Variants in SCHIP1 observed in about 807,000 individuals in gnomAD.
The protein encoded by SCHIP1 is schwannomin interacting protein 1.
Under a neutral mutation model 29.7 loss-of-function variants are expected in SCHIP1, and 8 were observed. That is an observed-to-expected ratio of 0.27 (90% CI 0.16 to 0.49). SCHIP1 has a LOEUF of 0.49. Among genes scored for constraint, SCHIP1 ranks in the 20% least tolerant of loss-of-function variants. The probability of loss-of-function intolerance (pLI) is 0.99; values close to 1 mark genes in which losing one functional copy is unlikely to be tolerated. For synonymous variants in SCHIP1, 76 were observed against 94.9 expected (o/e 0.80, Z 1.16); for missense variants, 193 against 294.6 (o/e 0.66, Z 2.52).
At chr3:159,880,641 AAAG>A (rs919154789) in intron 2 of SCHIP1, among the ~76,000 whole-genome samples, 14 of 152,336 alleles carry the variant, frequency 9.2e-5, no homozygotes, top group African/African-American at 2.6e-4. Context: ...AGCAAACTAG[AAAG>A]TGTGTGCCCT....
At chr3:159,561,391 T>C in the SCHIP1 span, among the ~76,000 whole-genome samples, 5 of 152,246 alleles carry the variant, frequency 3.3e-5, no homozygotes, top group Admixed American at 1.3e-4. Context: ...GACTGGGATC[T>C]TTCTTAAACA....
chr3:159,408,985 A>T, the SCHIP1 span, among the ~76,000 whole-genome samples: 1 of 152,242 alleles, frequency 6.6e-6, no homozygotes, highest in African/African-American at 2.4e-5. Context: ...AATTCAACAT[A>T]TGCAAATCAA....
At chr3:159,388,766 A>G in the SCHIP1 span, among the ~76,000 whole-genome samples, 3 of 150,762 alleles carry the variant, frequency 2.0e-5, no homozygotes, top group African/African-American at 7.3e-5. Context: ...ACTCATATAA[A>G]AAGAAATTTG....
At chr3:159,426,890 C>T in the SCHIP1 span, among the ~76,000 whole-genome samples, 1 of 152,144 alleles carries the variant, frequency 6.6e-6, no homozygotes, top group Non-Finnish European at 1.5e-5. Context: ...ATACGCAAAC[C>T]AATAAATGTA....
chr3:159,535,771 A>G, the SCHIP1 span, among the ~76,000 whole-genome samples: 2 of 152,230 alleles, frequency 1.3e-5, no homozygotes, highest in African/African-American at 4.8e-5. Flanking sequence ...CATAGTAAAC[A>G]TTTTAGGCTT....
the SCHIP1 span, among the ~76,000 whole-genome samples, chr3:159,557,904 C>T: frequency 5.3e-5 from 8 of 152,330 alleles, no homozygotes; most frequent in African/African-American, 7.2e-5. Flanking sequence ...CCAGGTCTTT[C>T]GTGCAAACGA....
intron 1 of SCHIP1, among the ~76,000 whole-genome samples, chr3:159,850,008 C>CCA (rs1712367677): frequency 6.6e-6 from 1 of 152,170 alleles, no homozygotes; most frequent in Non-Finnish European, 1.5e-5. Context: ...GAGCTTGCAA[C>CCA]CACAGTGGCT....
At chr3:159,424,844 C>A in the SCHIP1 span, among the ~76,000 whole-genome samples, 1 of 152,138 alleles carries the variant, frequency 6.6e-6, no homozygotes, top group Non-Finnish European at 1.5e-5. Flanking sequence ...GCGGATCTCT[C>A]GGCAGAAACT....
At chr3:159,621,903 T>G in the SCHIP1 span, among the ~76,000 whole-genome samples, 4 of 152,258 alleles carry the variant, frequency 2.6e-5, no homozygotes, top group African/African-American at 9.6e-5. Flanking sequence ...TGACCTTAGG[T>G]GATCTGCCTG....
At chr3:159,881,689 T>A (rs1254201836) in intron 2 of SCHIP1, among the ~76,000 whole-genome samples, 3 of 152,220 alleles carry the variant, frequency 2.0e-5, no homozygotes, top group Non-Finnish European at 2.9e-5. Context: ...GCCTGTAGCC[T>A]CTTGCTTCGT....
At chr3:159,308,427 C>T in the SCHIP1 span, among the ~76,000 whole-genome samples, 7 of 152,172 alleles carry the variant, frequency 4.6e-5, no homozygotes, top group South Asian at 2.1e-4. Context: ...TACGGAAAAA[C>T]GCTCAGCATC....
the SCHIP1 span, among the ~76,000 whole-genome samples, chr3:159,526,862 G>A: frequency 1.3e-5 from 2 of 152,332 alleles, no homozygotes; most frequent in South Asian, 4.1e-4. Flanking sequence ...ACTGCTGCAA[G>A]CACTGCTGCT....
chr3:159,341,330 C>T, the SCHIP1 span, among the ~76,000 whole-genome samples: 36,399 of 151,988 alleles, frequency 0.24, 4,705 homozygotes, highest in African/African-American at 0.33. Flanking sequence ...CTGTGTGCCC[C>T]GCCAACACTC....
chr3:159,638,049 T>C, the SCHIP1 span, among the ~76,000 whole-genome samples: 521 of 152,344 alleles, frequency 3.4e-3, 6 homozygotes, highest in African/African-American at 0.012. Flanking sequence ...ACATGAGTCA[T>C]GTGGAATGTG....
the SCHIP1 span, among the ~76,000 whole-genome samples, chr3:159,504,129 G>A: frequency 6.6e-6 from 1 of 152,140 alleles, no homozygotes; most frequent in South Asian, 2.1e-4. Flanking sequence ...GAGGAGAGAG[G>A]ACAGAGCACC....
the SCHIP1 span, among the ~76,000 whole-genome samples, chr3:159,381,518 G>A: frequency 6.6e-6 from 1 of 152,096 alleles, no homozygotes; most frequent in Non-Finnish European, 1.5e-5. Flanking sequence ...GGCCCTTAAA[G>A]ATTTATGGAG....
the SCHIP1 span, among the ~76,000 whole-genome samples, chr3:159,450,577 C>T: frequency 3.9e-4 from 60 of 152,232 alleles, no homozygotes; most frequent in Middle Eastern, 3.4e-3. Context: ...GAAACAGCCT[C>T]TCATAATTTC....
At chr3:159,657,713 TAGATCCAATTTTAAATTAA>T in the SCHIP1 span, among the ~76,000 whole-genome samples, 2 of 152,192 alleles carry the variant, frequency 1.3e-5, no homozygotes, top group Admixed American at 6.5e-5. Context: ...AACTAATTGT[TAGATCCAATTTTAAATTAA>T]TAAGTGCCAT....
At chr3:159,581,183 C>T in the SCHIP1 span, among the ~76,000 whole-genome samples, 1 of 152,070 alleles carries the variant, frequency 6.6e-6, no homozygotes, top group Non-Finnish European at 1.5e-5. Flanking sequence ...ATAAGTGCAA[C>T]TAAAAATCCT....
Sources: gnomAD v4.1 joint callset for allele counts (sites outside exome capture counted in the v4.1 genomes callset) on GRCh38, gnomAD v4.1.1 for gene constraint, MANE v1.5 for transcripts, NCBI Gene and HGNC (gene_info 2026-07-23, HGNC 2026-07-21) for gene names.